Variants in LILRB1 observed in about 807,000 individuals in gnomAD.
LILRB1 encodes leukocyte immunoglobulin like receptor B1, also known as leukocyte immunoglobulin-like receptor subfamily B member 1.
Under a neutral mutation model 74.6 loss-of-function variants are expected in LILRB1, and 59 were observed. That is an observed-to-expected ratio of 0.79 (90% CI 0.64 to 0.98). The LOEUF is 0.98. Ranked by LOEUF, LILRB1 falls within the 50% of genes least tolerant of loss-of-function variation. The probability of loss-of-function intolerance (pLI) is 0.00; values close to 1 mark genes in which losing one functional copy is unlikely to be tolerated. For synonymous variants in LILRB1, 328 were observed against 333.9 expected (o/e 0.98, Z 0.19); for missense variants, 804 against 822.6 (o/e 0.98, Z 0.28).
In LILRB1 at chr19:54,632,707, A is replaced by G. The variant is rs759119993; in HGVS notation, c.905A>G (p.Asn302Ser). 8 of 1,612,434 alleles carry G rather than the reference A, an allele frequency of 5.0e-6. No homozygotes were observed. In the Admixed American group the frequency reaches 1.2e-4, roughly 24 times the overall value. Reference protein sequence around the residue: ...GGQYRCYGAHNLSSEWSAPSD... With the variant: ...GGQYRCYGAHSLSSEWSAPSD... ...CAGTACAGATGCTACGGTGCACACA[A>G]CCTCTCCTCCGAGTGGTCGGCCCCC... The change falls in exon 6 of 15, where the codon AAC (asparagine) becomes AGC (serine). Residue 302 changes from asparagine to serine, a missense_variant. Transcript: ENST00000324602.
rs763300647 is a variant in LILRB1, at chr19:54,635,758, C to T, written c.1653+149C>T. The T allele has an allele frequency of 6.3e-5, 59 of 943,968 alleles. 1 individual carries two copies. The East Asian group carries it at 1.4e-3, about 22-fold the overall frequency. The allele number at this position is 943,968 out of a possible 1,614,324, so 58.5% of individuals were successfully genotyped here. ...CACGCTGCCTCCCGCCTGCTGCGAC[C>T]TCACTCTCTCCTGCTGTCCTGGGAC... On this transcript the variant is annotated intron_variant, in intron 13 of 14. Transcript: ENST00000324602.
intron 2 of LILRB1, 56 bp downstream of exon 2, chr19:54,631,163 C>T: frequency 3.1e-6 from 5 of 1,613,906 alleles, no homozygotes; most frequent in Non-Finnish European, 4.2e-6. Context: ...CACCCCACAG[C>T]CAAACTCTTG....
At chr19:54,626,217 T>C (rs141841314), upstream of LILRB1, among the ~76,000 whole-genome samples, 7 of 152,374 alleles carry the variant, frequency 4.6e-5, no homozygotes, top group African/African-American at 1.7e-4. Context: ...CCGGTCCCAA[T>C]GTGCTTGTCT....
At chr19:54,636,309 G>A (rs538326944) in intron 13 of LILRB1, 185 bp from the exon 14 acceptor site, 123 of 1,240,978 alleles carry the variant, frequency 9.9e-5, no homozygotes, top group Non-Finnish European at 1.3e-4. Context: ...AATGGGCAAC[G>A]TCAGAGTGAG....
rs1451661710 is a variant in LILRB1 at position 54,637,035 on chromosome 19, T to G, written c.*157T>G. 1.9e-5 allele frequency: 15 copies of G among 796,256 alleles called. No individual in the cohort carries two copies. Among genetic ancestry groups the G allele is most frequent in the Non-Finnish European group, 2.7e-5 (14 of 509,438 alleles). 49.3% of individuals were successfully genotyped at this position (796,256 alleles called of 1,614,324 possible). A position where few individuals can be genotyped will look rare whatever the true frequency, so the allele number is the denominator to read the frequency against. Reference sequence around the variant, plus strand: ...TCAATTCTGCAGTATAAATAACTAATGTCTCTACAATTTTGAAATAAAGCA... The same window carrying G: ...TCAATTCTGCAGTATAAATAACTAAGGTCTCTACAATTTTGAAATAAAGCA... On this transcript the variant is annotated 3_prime_UTR_variant, in exon 15 of 15. Transcript: ENST00000324602.
At chr19:54,626,373 G>A (rs867931223), upstream of LILRB1, among the ~76,000 whole-genome samples, 1 of 152,070 alleles carries the variant, frequency 6.6e-6, no homozygotes, top group African/African-American at 2.4e-5. Context: ...CTTCATTTCT[G>A]TAAAAATGTC....
Position 54,631,788 on chromosome 19 carries a change from G to A in LILRB1, c.358+1G>A, listed in dbSNP as rs2063883729. 6.2e-7 allele frequency: 1 copy of A among 1,614,020 alleles called. No individual in the cohort carries two copies. The highest frequency in any genetic ancestry group is 2.2e-5 in the East Asian group (1 of 44,874). On this transcript the variant is annotated splice_donor_variant, in intron 4 of 14. Coordinates refer to ENST00000324602, the MANE Select transcript of LILRB1 (RefSeq NM_001081637.3). LOFTEE classifies it high-confidence loss of function. Reference sequence around the variant, plus strand: ...GACCCCCTGGAGCTGGTGGTGACAGGTGAGCTGACACTCAGGGGTCCCAGC... The same window carrying A: ...GACCCCCTGGAGCTGGTGGTGACAGATGAGCTGACACTCAGGGGTCCCAGC...
intron 1 of LILRB1, among the ~76,000 whole-genome samples, chr19:54,618,243 C>T (rs1600303777): frequency 6.6e-6 from 1 of 151,970 alleles, no homozygotes. Flanking sequence ...GTGTGGTGTA[C>T]ATAATGTTTC....
At chr19:54,634,577 C>T (rs2064221413) in intron 9 of LILRB1, 64 bp from the exon 10 acceptor site, 15 of 1,548,890 alleles carry the variant, frequency 9.7e-6, no homozygotes, top group Non-Finnish European at 1.2e-5. Flanking sequence ...CCAGCAGTCA[C>T]CTGCACACAG....
At chr19:54,624,709 G>A (rs1202553825) in intron 1 of LILRB1, among the ~76,000 whole-genome samples, 1 of 152,164 alleles carries the variant, frequency 6.6e-6, no homozygotes. Context: ...TCCTGAAGGG[G>A]CTGGACTGGG....
chr19:54,634,628 C>T lies in LILRB1; in HGVS notation c.1364-13C>T. ...ATGACATCACCCCCATCCCTGACAT[C>T]ATCGTGCTCAAGGTCTGGGAAGGCA... On this transcript the variant is annotated splice_polypyrimidine_tract_variant and intron_variant, in intron 9 of 14. Coordinates refer to ENST00000324602, the MANE Select transcript of LILRB1 (RefSeq NM_001081637.3). 9 of 1,609,110 alleles carry T rather than the reference C, an allele frequency of 5.6e-6. No individual in the cohort carries two copies. Among genetic ancestry groups the T allele is most frequent in the Non-Finnish European group, 7.6e-6 (9 of 1,177,268 alleles).
chr19:54,619,650 T>C (rs1159520852), intron 1 of LILRB1, among the ~76,000 whole-genome samples: 1 of 152,118 alleles, frequency 6.6e-6, no homozygotes, highest in African/African-American at 2.4e-5. Flanking sequence ...TTATCTAAAG[T>C]AAGAGAGGAA....
chr19:54,625,836 C>T (rs2063570007), upstream of LILRB1, among the ~76,000 whole-genome samples: 1 of 147,372 alleles, frequency 6.8e-6, no homozygotes, highest in South Asian at 2.2e-4. Context: ...ACCCCTTCCC[C>T]GTGTTAGGGA....
intron 8 of LILRB1, 137 bp from the exon 9 acceptor site, chr19:54,633,834 A>G (rs1446498700): frequency 6.9e-7 from 1 of 1,446,178 alleles, no homozygotes; most frequent in East Asian, 2.5e-5. Context: ...CAGGGTCCCC[A>G]GGGCTCTGAG....
intron 1 of LILRB1, among the ~76,000 whole-genome samples, chr19:54,617,553 C>CTGTGTGTG (rs55635122): frequency 0.04 from 5,684 of 143,210 alleles, 129 homozygotes; most frequent in African/African-American, 0.053. Context: ...TACAGGATGT[C>CTGTGTGTG]TGTGTGTGTG....
upstream of LILRB1, among the ~76,000 whole-genome samples, chr19:54,627,257 C>G (rs966256239): frequency 6.6e-6 from 1 of 152,142 alleles, no homozygotes; most frequent in East Asian, 1.9e-4. Flanking sequence ...AAAATTAACC[C>G]TTTTGCTAAA....
upstream of LILRB1, among the ~76,000 whole-genome samples, chr19:54,629,648 G>A (rs2063703371): frequency 6.6e-6 from 1 of 150,662 alleles, no homozygotes; most frequent in African/African-American, 2.5e-5. Context: ...GGTGTAGCTG[G>A]AGGACGCAGC....
Position 54,633,642 on chromosome 19 carries a change from G to T in LILRB1, c.1266G>T (p.Pro422=), listed in dbSNP as rs2114511. Residue 422 remains proline, a synonymous_variant, in exon 8 of 15, where the codon CCG becomes CCT. Transcript: ENST00000324602. ...SDPLELVVSG[P]SGGPSSPTTG... is the part of the protein sequence containing the mutation. ...TCCTCTCATTCTTTTACCCAGGACC[G>T]TCTGGGGGCCCCAGCTCCCCGACAA... 5 of 1,613,198 alleles carry T rather than the reference G, an allele frequency of 3.1e-6. No homozygotes were observed. The highest frequency in any genetic ancestry group is 4.2e-6 in the Non-Finnish European group (5 of 1,179,596).
chr19:54,621,868 G>A (rs1381208802), intron 1 of LILRB1, among the ~76,000 whole-genome samples: 2 of 152,120 alleles, frequency 1.3e-5, no homozygotes, highest in African/African-American at 4.8e-5. Flanking sequence ...TTTGTACATG[G>A]TGGGAGATAA....
Sources: allele counts gnomAD v4.1 joint callset (sites outside exome capture counted in the v4.1 genomes callset), GRCh38; gene constraint gnomAD v4.1.1; transcripts MANE v1.5; gene names NCBI Gene and HGNC (gene_info 2026-07-23, HGNC 2026-07-21).